Variants in MAN2C1 observed in about 807,000 individuals in gnomAD.
MAN2C1 encodes the protein mannosidase alpha class 2C member 1.
MAN2C1 carries 111 observed loss-of-function variants against 126.9 expected under a neutral mutation model. The observed-to-expected ratio is 0.87, with a 90% confidence interval of 0.75 to 1.02. MAN2C1 has a LOEUF of 1.02. MAN2C1 is among the 50% of genes least tolerant of loss of function. The probability of loss-of-function intolerance (pLI) is 0.00; values close to 1 mark genes in which losing one functional copy is unlikely to be tolerated. For missense variants in MAN2C1, 1,363 were observed against 1,364.4 expected (o/e 1.00, Z 0.02); for synonymous variants, 567 against 561.5 (o/e 1.01, Z -0.14).
In MAN2C1 at chr15:75,359,628, T is replaced by G. The variant is rs772065822; in HGVS notation, c.1940A>C (p.His647Pro). Residue 647 changes from histidine (H) to proline (P), a missense_variant, in exon 16 of 26, where the codon CAC becomes CCC. His to Pro is a moderately conservative substitution (Grantham distance 77). Around this residue, in one of 3 missense-constraint regions of MAN2C1, gnomAD observed 668 missense variants for 650.1 expected, o/e 1.03. Coordinates refer to ENST00000267978, the MANE Select transcript of MAN2C1 (RefSeq NM_006715.4). ...TTCCCCTCAGCTCGTACCTAGGCTG[T>G]GGGCCCCGCCCGGTTTGGGCAGGGC... ...VMALPKPGGA[H>P]SLALVTVPSM... 1 of 1,613,874 alleles carries G rather than the reference T, an allele frequency of 6.2e-7. No individual in the cohort carries two copies. The highest frequency in any genetic ancestry group is 1.3e-5 in the African/African-American group (1 of 74,942).
intron 20 of MAN2C1, 27 bp downstream of exon 20, chr15:75,358,435 A>G: frequency 6.2e-7 from 1 of 1,613,018 alleles, no homozygotes; most frequent in Non-Finnish European, 8.5e-7. Context: ...ACTTGGGGAA[A>G]ACAGCCACCC....
At chr15:75,357,187 A>C (rs2141324711) in intron 21 of MAN2C1, 1 of 366,720 alleles carries the variant, frequency 2.7e-6, no homozygotes, top group South Asian at 3.2e-5. Flanking sequence ...TCTGTCACCC[A>C]GGCTGGAGTG....
At chr15:75,368,049 GCC>G in intron 2 of MAN2C1, 22 bp downstream of exon 2, 1 of 1,592,366 alleles carries the variant, frequency 6.3e-7, no homozygotes, top group Non-Finnish European at 8.5e-7. Flanking sequence ...CTGTGGCCCC[GCC>G]CACCCGCTGG....
intron 19 of MAN2C1, 38 bp from the exon 20 acceptor site, chr15:75,358,656 C>T (rs1295109629): frequency 2.0e-5 from 33 of 1,613,006 alleles, no homozygotes; most frequent in Non-Finnish European, 2.7e-5. Context: ...CCAGAGCAGC[C>T]TGTGTTCCCA....
chr15:75,356,715 G>A lies in MAN2C1; in HGVS notation c.2658-30C>T, dbSNP rs374704943. On this transcript the variant is annotated intron_variant, in intron 22 of 25. Coordinates refer to ENST00000267978, the MANE Select transcript of MAN2C1 (RefSeq NM_006715.4). This position sits in a 1 kb window ranked among gnomAD's most constrained non-coding sequence, Gnocchi z 5.8. ...GGTGAGGAGGGCGCGTAGGGGCCACGCTGAAGCTGTTGGAGTTGTGGTCGG... is the reference window on the plus strand; with the variant it reads ...GGTGAGGAGGGCGCGTAGGGGCCACACTGAAGCTGTTGGAGTTGTGGTCGG... 16 of 1,611,070 alleles carry A rather than the reference G, an allele frequency of 9.9e-6. No homozygotes were observed. Among genetic ancestry groups the A allele is most frequent in the Admixed American group, 3.3e-5 (2 of 59,754 alleles).
In MAN2C1 at chr15:75,364,595, G is replaced by A. The variant is rs1595878695; in HGVS notation, c.493C>T (p.Pro165Ser). Residue 165 changes from proline (P) to serine (S), a missense_variant, in exon 5 of 26, where the codon CCT (proline) becomes TCT (serine). This residue lies in a region of MAN2C1 where 628 missense variants were observed against 609.8 expected (regional missense o/e 1.03). Transcript: ENST00000267978. ...AGCTGGAACATCTTCTCAGGGTCAG[G>A]GGCTGCAATCATGCTTCCCTTCCCG... is the stretch of plus-strand genomic sequence containing the variant. ...GAGKGSMIAA[P>S]DPEKMFQLSR... The A allele has an allele frequency of 1.2e-6, 2 of 1,613,578 alleles. No homozygotes were observed. Among genetic ancestry groups the A allele is most frequent in the East Asian group, 2.2e-5 (1 of 44,840 alleles).
Position 75,356,315 on chromosome 15 carries a change from C to T in MAN2C1, c.2872G>A (p.Glu958Lys), listed in dbSNP as rs766923552. The part of the protein sequence containing the change: ...FSVSSPAVVL[E>K]TVKQAESSPQ... ...CCACCCCTTGCCTGCTTGACGGTCT[C>T]CAATACGACCGCGGGTGAAGACACG... The change falls in exon 24 of 26, where the codon GAG (glutamate) becomes AAG (lysine). Residue 958 changes from glutamate to lysine, a missense_variant. By Grantham distance (56) the Glu-to-Lys change is moderately conservative (BLOSUM62 1). This residue lies in a region of MAN2C1 where 668 missense variants were observed against 650.1 expected (regional missense o/e 1.03). Coordinates refer to ENST00000267978, the MANE Select transcript of MAN2C1 (RefSeq NM_006715.4). This position sits in a 1 kb window ranked among gnomAD's most constrained non-coding sequence, Gnocchi z 5.8. 5.6e-6 allele frequency: 9 copies of T among 1,611,732 alleles called. No individual in the cohort carries two copies. The African/African-American group carries it at 9.4e-5, about 17-fold the overall frequency.
At chr15:75,358,098 G>A (rs1464775628) in intron 21 of MAN2C1, 103 bp downstream of exon 21, 3 of 1,398,154 alleles carry the variant, frequency 2.1e-6, no homozygotes, top group Non-Finnish European at 3.0e-6. Flanking sequence ...ACGTTAGGAA[G>A]CAGCAAATGT....
intron 12 of MAN2C1, 98 bp from the exon 13 acceptor site, chr15:75,360,786 G>A: frequency 6.7e-7 from 1 of 1,491,736 alleles, no homozygotes; most frequent in South Asian, 1.2e-5. Context: ...ACAGAGAGGA[G>A]CCACTCCAGA....
chr15:75,360,958 G>A (rs1289349197), intron 12 of MAN2C1, 88 bp downstream of exon 12: 10 of 1,478,968 alleles, frequency 6.8e-6, no homozygotes, highest in Non-Finnish European at 9.1e-6. Flanking sequence ...AGGTCCAGAG[G>A]AGGGGTTGGG....
In MAN2C1 at chr15:75,358,491, C is replaced by T. The variant is rs781681739; in HGVS notation, c.2374G>A (p.Gly792Ser). 33 of 1,613,444 alleles carry T rather than the reference C, an allele frequency of 2.0e-5. No individual in the cohort carries two copies. Among genetic ancestry groups the T allele is most frequent in the Non-Finnish European group, 2.7e-5 (32 of 1,180,008 alleles). The change falls in exon 20 of 26, where the codon GGC (glycine) becomes AGC (serine). Residue 792 changes from glycine to serine, a missense_variant. Coordinates refer to ENST00000267978, the MANE Select transcript of MAN2C1 (RefSeq NM_006715.4). ...GTGTGGAAGCGGACATAGGGGCAGCCAACGTCCAGCACAACCTCCTGGCTA... is the reference window on the plus strand; with the variant it reads ...GTGTGGAAGCGGACATAGGGGCAGCTAACGTCCAGCACAACCTCCTGGCTA... Reference protein sequence around the residue: ...RLSQEVVLDVGCPYVRFHTEV... With the variant: ...RLSQEVVLDVSCPYVRFHTEV...
intron 18 of MAN2C1, 68 bp from the exon 19 acceptor site, chr15:75,358,876 G>T (rs2072403195): frequency 4.2e-6 from 6 of 1,416,406 alleles, no homozygotes; most frequent in Non-Finnish European, 4.9e-6. Context: ...TCTTGGTGGG[G>T]TAGGGTGGAG....
At position 75,361,219 on chromosome 15, in the gene MAN2C1, G is replaced by C. The variant is rs1198331332; in HGVS notation, c.1315-28C>G. 5.0e-6 allele frequency: 8 copies of C among 1,605,558 alleles called. No homozygotes were observed. Among genetic ancestry groups the C allele is most frequent in the Admixed American group, 3.4e-5 (2 of 58,302 alleles). On this transcript the variant is annotated intron_variant, in intron 11 of 25. Transcript: ENST00000267978. The surrounding 1 kb of genome is among the most constrained non-coding windows in gnomAD (Gnocchi z 5.0). Reference sequence around the variant, plus strand: ...AGACAGGTGAGGGCAGGCCAGCATGGATCAGCCTGGAACAAGCCAGCCCTC... The same window carrying C: ...AGACAGGTGAGGGCAGGCCAGCATGCATCAGCCTGGAACAAGCCAGCCCTC...
At chr15:75,368,236 G>A in intron 1 of MAN2C1, 38 bp from the exon 2 acceptor site, 1 of 1,566,162 alleles carries the variant, frequency 6.4e-7, no homozygotes, top group Non-Finnish European at 8.6e-7. Flanking sequence ...GCTGGAGGCC[G>A]CCCCGTTTCC....
At position 75,366,585 on chromosome 15, in the gene MAN2C1, G is replaced by T. The variant is rs573293864; in HGVS notation, c.359C>A (p.Thr120Asn). 2 of 1,612,694 alleles carry T rather than the reference G, an allele frequency of 1.2e-6. No homozygotes were observed. The highest frequency in any genetic ancestry group is 3.3e-5 in the Admixed American group (2 of 59,882). ...WRDGEPVQGL[T>N]KEGEKTSYVL... The stretch of plus-strand genomic sequence containing the variant: ...ATAGCTGGTCTTCTCACCCTCTTTG[G>T]TTAAACCCTAGTAGGGAGGGGAGTG... Residue 120 changes from threonine to asparagine, a missense_variant, in exon 4 of 26, where the codon ACC becomes AAC. Transcript: ENST00000267978.
At position 75,359,165 on chromosome 15, in the gene MAN2C1, G is replaced by A. The variant is rs371219451; in HGVS notation, c.2047-12C>T. 14 of 1,613,736 alleles carry A rather than the reference G, an allele frequency of 8.7e-6. No individual in the cohort carries two copies. The highest frequency in any genetic ancestry group is 4.4e-5 in the South Asian group (4 of 91,084). On this transcript the variant is annotated splice_polypyrimidine_tract_variant and intron_variant, in intron 17 of 25. Transcript: ENST00000267978. ...ACGGAGCCATCAGTCTTTGTGGGAG[G>A]AGGCCTTGAGGCTGAGTCTGTAGGG...
chr15:75,368,130 T>A lies in MAN2C1; in HGVS notation c.170A>T (p.Gln57Leu), dbSNP rs916488790. Residue 57 changes from glutamine to leucine, a missense_variant, in exon 2 of 26, where the codon CAG (glutamine) becomes CTG (leucine). Physicochemically the swap from Gln to Leu is moderately radical, Grantham distance 113. This residue lies in a region of MAN2C1 where 628 missense variants were observed against 609.8 expected (regional missense o/e 1.03). Transcript: ENST00000267978. ...GCGGAAGTCCCGCTGGACTGCCTCC[T>A]GGTAGGGAAGTCTCTCCGGCGTCAG... is the stretch of plus-strand genomic sequence containing the variant. ...SFLTPERLPYQEAVQRDFRPA... is the reference protein window; with the variant it reads ...SFLTPERLPYLEAVQRDFRPA... The A allele has an allele frequency of 1.2e-6, 2 of 1,606,344 alleles. No individual in the cohort carries two copies. Among genetic ancestry groups the A allele is most frequent in the Non-Finnish European group, 1.7e-6 (2 of 1,177,468 alleles).
chr15:75,366,145 G>C (rs918786712), intron 4 of MAN2C1: 3 of 319,822 alleles, frequency 9.4e-6, no homozygotes, highest in African/African-American at 4.5e-5. Flanking sequence ...CTAGGGAGTG[G>C]AATAACGGTA....
In MAN2C1 at chr15:75,361,776, C is replaced by G; in HGVS notation, c.1102-56G>C. The G allele has an allele frequency of 6.3e-7, 1 of 1,589,318 alleles. No homozygotes were observed. Among genetic ancestry groups the G allele is most frequent in the Non-Finnish European group, 8.6e-7 (1 of 1,157,658 alleles). On this transcript the variant is annotated intron_variant, in intron 9 of 25. Transcript: ENST00000267978. The surrounding 1 kb of genome is among the most constrained non-coding windows in gnomAD (Gnocchi z 5.0). Reference sequence around the variant, plus strand: ...AACCAGAGCTCCAGGCGGACTCACCCCAGCCTCAGCCCCTCAGCACTCCAA... The same window carrying G: ...AACCAGAGCTCCAGGCGGACTCACCGCAGCCTCAGCCCCTCAGCACTCCAA...
Sources: allele counts gnomAD v4.1 joint callset, GRCh38; gene constraint gnomAD v4.1.1; regional missense constraint gnomAD v4.1.1; non-coding constraint Gnocchi (gnomAD v3.1); transcripts MANE v1.5; gene names NCBI Gene and HGNC (gene_info 2026-07-23, HGNC 2026-07-21).